Variants in FBXL7 observed in about 807,000 individuals in gnomAD.
FBXL7 encodes the protein F-box and leucine rich repeat protein 7.
In FBXL7, 12 loss-of-function variants were observed where a neutral mutation model predicts 38.3. The ratio of observed to expected loss-of-function variants is 0.31; its 90% CI spans 0.20 to 0.51. FBXL7 has a LOEUF of 0.51. FBXL7 is among the 20% of genes least tolerant of loss of function. The pLI, the probability that FBXL7 is intolerant of heterozygous loss-of-function variation, is 0.98. For missense variants in FBXL7, 567 were observed against 676.4 expected (o/e 0.84, Z 1.79); for synonymous variants, 297 against 300.9 (o/e 0.99, Z 0.13).
At chr5:15,703,208 C>T (rs1190597838) in intron 2 of FBXL7, among the ~76,000 whole-genome samples, 1 of 152,160 alleles carries the variant, frequency 6.6e-6, no homozygotes, top group Non-Finnish European at 1.5e-5. Flanking sequence ...CTAAATGGAG[C>T]TTACTAATTC....
chr5:15,885,980 C>G (rs1189058681), intron 2 of FBXL7, among the ~76,000 whole-genome samples: 3 of 152,056 alleles, frequency 2.0e-5, no homozygotes, highest in African/African-American at 7.2e-5. Flanking sequence ...CTCAGCCTCT[C>G]AAAGTGCTGG....
intron 2 of FBXL7, among the ~76,000 whole-genome samples, chr5:15,742,454 T>A (rs530071700): frequency 3.3e-5 from 5 of 152,294 alleles, no homozygotes; most frequent in African/African-American, 1.2e-4. Flanking sequence ...CTGATGGCTA[T>A]ATCATTTCCT....
At chr5:15,626,544 C>CTCTGTGTG (rs1554010327) in intron 2 of FBXL7, among the ~76,000 whole-genome samples, 1 of 148,242 alleles carries the variant, frequency 6.7e-6, no homozygotes, top group Admixed American at 6.8e-5. Flanking sequence ...AATTCGTTTC[C>CTCTGTGTG]TGTGTGTGTG....
chr5:15,500,807 C>A, intron 1 of FBXL7, 94 bp downstream of exon 1: 1 of 1,458,586 alleles, frequency 6.9e-7, no homozygotes, highest in Non-Finnish European at 9.4e-7. Flanking sequence ...TCGCCCGCGG[C>A]CGTGACGCAC....
chr5:15,685,172 G>A, intron 2 of FBXL7, among the ~76,000 whole-genome samples: 1 of 152,118 alleles, frequency 6.6e-6, no homozygotes, highest in Non-Finnish European at 1.5e-5. Flanking sequence ...AACAAACAGT[G>A]AAACTCATGA....
intron 1 of FBXL7, among the ~76,000 whole-genome samples, chr5:15,536,042 T>C (rs1737573922): frequency 1.3e-5 from 2 of 152,242 alleles, no homozygotes; most frequent in African/African-American, 4.8e-5. Flanking sequence ...CAGCTCAGGC[T>C]GTGGCTTCAG....
chr5:15,726,446 A>G (rs1359561612), intron 2 of FBXL7, among the ~76,000 whole-genome samples: 1 of 151,846 alleles, frequency 6.6e-6, no homozygotes, highest in Non-Finnish European at 1.5e-5. Context: ...AATAAAATAA[A>G]CACTTTGGGA....
intron 1 of FBXL7, among the ~76,000 whole-genome samples, chr5:15,564,154 T>C (rs1264750192): frequency 6.6e-6 from 1 of 152,104 alleles, no homozygotes; most frequent in East Asian, 1.9e-4. Flanking sequence ...ATATTCTTCC[T>C]ATCAAAGGGC....
intron 1 of FBXL7, 85 bp downstream of exon 1, chr5:15,500,798 C>T: frequency 3.3e-6 from 5 of 1,519,910 alleles, no homozygotes; most frequent in Non-Finnish European, 3.6e-6. Flanking sequence ...GGGAGGTTCT[C>T]GCCCGCGGCC....
intron 2 of FBXL7, among the ~76,000 whole-genome samples, chr5:15,716,381 G>A (rs1375539442): frequency 6.6e-6 from 1 of 152,206 alleles, no homozygotes; most frequent in Non-Finnish European, 1.5e-5. Flanking sequence ...TAACTTGCCT[G>A]CTTATACCTG....
chr5:15,567,973 C>A (rs1738643090), intron 1 of FBXL7, among the ~76,000 whole-genome samples: 1 of 152,134 alleles, frequency 6.6e-6, no homozygotes, highest in Non-Finnish European at 1.5e-5. Context: ...ATATGTGCCA[C>A]ATTTTCTTAA....
At chr5:15,567,326 G>A (rs1738610399) in intron 1 of FBXL7, among the ~76,000 whole-genome samples, 2 of 152,126 alleles carry the variant, frequency 1.3e-5, no homozygotes, top group East Asian at 1.9e-4. Context: ...TGTACTTCTA[G>A]ATTTCTACTT....
At chr5:15,671,474 A>G (rs1355170451) in intron 2 of FBXL7, among the ~76,000 whole-genome samples, 1 of 152,120 alleles carries the variant, frequency 6.6e-6, no homozygotes, top group African/African-American at 2.4e-5. Context: ...TTTTTAAAAA[A>G]TAAGTATCAG....
At chr5:15,556,407 C>T (rs1220917950) in intron 1 of FBXL7, among the ~76,000 whole-genome samples, 1 of 152,166 alleles carries the variant, frequency 6.6e-6, no homozygotes, top group Non-Finnish European at 1.5e-5. Flanking sequence ...CACCCACCCA[C>T]ATGAGGAGGG....
At chr5:15,911,501 G>C (rs1454797381) in intron 2 of FBXL7, among the ~76,000 whole-genome samples, 1 of 136,814 alleles carries the variant, frequency 7.3e-6, no homozygotes, top group Admixed American at 6.8e-5. Flanking sequence ...TAATTTGATC[G>C]TCTGAAGCCT....
intron 2 of FBXL7, among the ~76,000 whole-genome samples, chr5:15,627,994 T>C (rs1740874057): frequency 1.3e-5 from 2 of 152,128 alleles, no homozygotes; most frequent in African/African-American, 4.8e-5. Context: ...AAGAAAAATG[T>C]AGAAAGTCCA....
intron 2 of FBXL7, among the ~76,000 whole-genome samples, chr5:15,688,319 A>C (rs1743080127): frequency 6.6e-6 from 1 of 152,188 alleles, no homozygotes. Context: ...TAAGGGTATT[A>C]CGATTAATTC....
chr5:15,817,598 T>C (rs1738053066), intron 2 of FBXL7, among the ~76,000 whole-genome samples: 1 of 152,144 alleles, frequency 6.6e-6, no homozygotes, highest in Non-Finnish European at 1.5e-5. Context: ...TGGGGGGTAA[T>C]TGAGTCATGG....
At chr5:15,762,565 G>A (rs1293536083) in intron 2 of FBXL7, among the ~76,000 whole-genome samples, 1 of 152,026 alleles carries the variant, frequency 6.6e-6, no homozygotes, top group Non-Finnish European at 1.5e-5. Flanking sequence ...TGTGACCTCG[G>A]GTGTATTATT....
Sources: gnomAD v4.1 joint callset for allele counts (sites outside exome capture counted in the v4.1 genomes callset) on GRCh38, gnomAD v4.1.1 for gene constraint, MANE v1.5 for transcripts, NCBI Gene and HGNC (gene_info 2026-07-23, HGNC 2026-07-21) for gene names.